STARD13: variants seen among roughly 807,000 people sequenced by gnomAD.
STARD13 encodes the protein StAR related lipid transfer domain containing 13, also known as stAR-related lipid transfer protein 13.
A neutral mutation model predicts 106.4 loss-of-function variants in STARD13; 62 were observed. The ratio of observed to expected loss-of-function variants is 0.58; its 90% confidence interval spans 0.48 to 0.72. The LOEUF (loss-of-function observed/expected upper bound fraction) is 0.72. Among genes scored for constraint, STARD13 ranks in the 30% least tolerant of loss-of-function variants. The pLI, the probability that STARD13 is intolerant of heterozygous loss-of-function variation, is 0.00. For synonymous variants in STARD13, 565 were observed against 553.0 expected, an observed-to-expected ratio of 1.02 and a Z score of -0.31; for missense variants, 1,387 against 1,424.0, an observed-to-expected ratio of 0.97 and a Z score of 0.42.
chr13:33,382,681 G>C, the STARD13 span, among the ~76,000 whole-genome samples: 3 of 152,070 alleles, frequency 2.0e-5, no homozygotes, highest in Non-Finnish European at 4.4e-5. Flanking sequence ...TATAGCCTAG[G>C]CCTCATTTGA....
At chr13:33,496,720 CATG>C in the STARD13 span, among the ~76,000 whole-genome samples, 4 of 152,032 alleles carry the variant, frequency 2.6e-5, no homozygotes, top group Middle Eastern at 3.2e-3. Context: ...TTTTAAATTT[CATG>C]ATGATGATTA....
intron 1 of STARD13, among the ~76,000 whole-genome samples, chr13:33,213,486 G>T (rs1345385090): frequency 6.6e-6 from 1 of 152,194 alleles, no homozygotes; most frequent in Non-Finnish European, 1.5e-5. Flanking sequence ...TTTCCTACAA[G>T]TCTGATGTTC....
intron 3 of STARD13, among the ~76,000 whole-genome samples, chr13:33,147,538 A>C (rs1880713167): frequency 6.6e-6 from 1 of 152,236 alleles, no homozygotes; most frequent in East Asian, 1.9e-4. Flanking sequence ...ACTTCAGTGG[A>C]TACAACAAGG....
chr13:33,321,876 T>C (rs758982510), intron 1 of STARD13, among the ~76,000 whole-genome samples: 6 of 152,234 alleles, frequency 3.9e-5, no homozygotes, highest in Admixed American at 1.3e-4. Context: ...CACACTCAGT[T>C]TGCAGAGCAT....
chr13:33,487,152 G>A, the STARD13 span, among the ~76,000 whole-genome samples: 3 of 152,186 alleles, frequency 2.0e-5, no homozygotes, highest in Admixed American at 6.5e-5. Context: ...AATAAAGCCT[G>A]TATCACAAAG....
At chr13:33,311,002 A>G (rs1365399562) in intron 1 of STARD13, among the ~76,000 whole-genome samples, 1 of 152,116 alleles carries the variant, frequency 6.6e-6, no homozygotes, top group Non-Finnish European at 1.5e-5. Context: ...GTAAAAATAC[A>G]GTATAAAAGA....
At chr13:33,123,510 A>G (rs148965678) in intron 7 of STARD13, among the ~76,000 whole-genome samples, 5 of 152,340 alleles carry the variant, frequency 3.3e-5, no homozygotes, top group African/African-American at 1.2e-4. Context: ...CGGTGACTTC[A>G]TATTCATCAG....
intron 1 of STARD13, among the ~76,000 whole-genome samples, chr13:33,182,706 C>A (rs138144467): frequency 3.9e-3 from 589 of 152,358 alleles, no homozygotes; most frequent in African/African-American, 0.013. Flanking sequence ...GTGGGCTGGA[C>A]GAGCTTGGTT....
At chr13:33,369,695 T>G in the STARD13 span, among the ~76,000 whole-genome samples, 121 of 152,344 alleles carry the variant, frequency 7.9e-4, 1 homozygote, top group South Asian at 3.3e-3. Context: ...TACATGCACA[T>G]ATAAGTGCAT....
At chr13:33,598,496 A>G in the STARD13 span, among the ~76,000 whole-genome samples, 1 of 152,188 alleles carries the variant, frequency 6.6e-6, no homozygotes, top group Non-Finnish European at 1.5e-5. Context: ...TTATGCATCT[A>G]TCACTCCTAT....
Position 33,119,157 on chromosome 13 carries a change from A to C in STARD13, c.2083-894T>G, listed in dbSNP as rs186683410. On this transcript the variant is annotated intron_variant, in intron 7 of 13. Coordinates refer to ENST00000336934, the MANE Select transcript of STARD13 (RefSeq NM_178006.4). Reference sequence around the variant, plus strand: ...GGTTAAGCTCTAGGCCCTCTAGAGGAACTTTCTGTGCTGGACTTACCCGCT... The same window carrying C: ...GGTTAAGCTCTAGGCCCTCTAGAGGCACTTTCTGTGCTGGACTTACCCGCT... Among the ~76,000 whole-genome samples the C allele has an allele frequency of 1.7e-3, 261 of 152,274 alleles. 4 individuals carry two copies. In the South Asian group the frequency reaches 0.018, roughly 10 times the overall value.
the STARD13 span, among the ~76,000 whole-genome samples, chr13:33,527,978 C>T: frequency 6.6e-6 from 1 of 150,788 alleles, no homozygotes; most frequent in East Asian, 1.9e-4. Context: ...AGTTTTTGGT[C>T]CCAAATATAA....
At chr13:33,367,151 A>G in the STARD13 span, among the ~76,000 whole-genome samples, 4 of 152,218 alleles carry the variant, frequency 2.6e-5, no homozygotes, top group Admixed American at 1.3e-4. Context: ...TATCAAAAAC[A>G]AGGGAAAAGC....
At chr13:33,520,135 T>G in the STARD13 span, 1 of 152,128 alleles carries the variant, frequency 6.6e-6, no homozygotes, top group Admixed American at 6.6e-5. Context: ...AGAGGAAACA[T>G]GTGATCAGTA....
At chr13:33,287,494 G>A (rs1195469628), upstream of STARD13, among the ~76,000 whole-genome samples, 2 of 152,176 alleles carry the variant, frequency 1.3e-5, no homozygotes, top group Non-Finnish European at 2.9e-5. Flanking sequence ...GCCATACTGT[G>A]CACTTTCCAT....
the STARD13 span, among the ~76,000 whole-genome samples, chr13:33,497,278 T>C: frequency 1.3e-5 from 2 of 152,174 alleles, no homozygotes; most frequent in Non-Finnish European, 2.9e-5. Flanking sequence ...ATACACAGTC[T>C]ACTTCTTTTC....
the STARD13 span, among the ~76,000 whole-genome samples, chr13:33,498,679 T>C: frequency 2.0e-5 from 3 of 152,156 alleles, no homozygotes; most frequent in Non-Finnish European, 4.4e-5. Context: ...GCTAAAATGG[T>C]ACAGAGAAAG....
chr13:33,510,708 G>T, the STARD13 span, among the ~76,000 whole-genome samples: 1 of 152,112 alleles, frequency 6.6e-6, no homozygotes, highest in Non-Finnish European at 1.5e-5. Context: ...AACTGCTGCT[G>T]GTCATTTTTG....
At chr13:33,667,420 C>T in the STARD13 span, among the ~76,000 whole-genome samples, 1 of 152,174 alleles carries the variant, frequency 6.6e-6, no homozygotes, top group Non-Finnish European at 1.5e-5. Context: ...ATCTACTTTG[C>T]TCTCTCAGAA....
Sources: allele counts gnomAD v4.1 joint callset (sites outside exome capture counted in the v4.1 genomes callset), GRCh38; gene constraint gnomAD v4.1.1; transcripts MANE v1.5; gene names NCBI Gene and HGNC (gene_info 2026-07-23, HGNC 2026-07-21).